Variants in DIP2B observed in about 807,000 individuals in gnomAD.
The protein encoded by DIP2B is DIP2 acetate--CoA ligase B (putative).
DIP2B carries 76 observed loss-of-function variants against 198.0 expected under a neutral mutation model. That is an observed-to-expected ratio of 0.38 (90% CI 0.32 to 0.46). DIP2B has a LOEUF of 0.46. DIP2B is among the 20% of genes least tolerant of loss of function. The pLI is 0.99. For missense variants in DIP2B, 1,559 were observed against 1,978.4 expected (o/e 0.79, Z 4.02); for synonymous variants, 701 against 739.1 (o/e 0.95, Z 0.84).
At chr12:50,681,202 G>A (rs994462395) in intron 9 of DIP2B, among the ~76,000 whole-genome samples, 8 of 152,092 alleles carry the variant, frequency 5.3e-5, no homozygotes, top group African/African-American at 1.2e-4. Flanking sequence ...ACACTGAGGC[G>A]GGAGGATCAC....
intron 1 of DIP2B, among the ~76,000 whole-genome samples, chr12:50,522,189 C>T (rs201908487): frequency 8.6e-5 from 13 of 151,374 alleles, no homozygotes; most frequent in African/African-American, 2.7e-4. Context: ...TTGGTAGAGA[C>T]GGGGTTTTAC....
chr12:50,736,491 G>A (rs909122906), intron 34 of DIP2B, among the ~76,000 whole-genome samples: 4 of 152,156 alleles, frequency 2.6e-5, no homozygotes, highest in Admixed American at 2.0e-4. Flanking sequence ...CTCAGCCAGC[G>A]TATGTGTCTT....
Position 50,545,552 on chromosome 12 carries a change from A to AT in DIP2B, c.100+40319dup, listed in dbSNP as rs567470784. 6.9e-3 allele frequency among the ~76,000 whole-genome samples: 1,044 copies of AT among 151,456 alleles called. 3 individuals are homozygous for AT. The highest frequency in any genetic ancestry group is 0.013 in the Admixed American group (195 of 15,136). On this transcript the variant is annotated intron_variant, in intron 1 of 37. Transcript: ENST00000301180. Reference sequence around the variant, plus strand: ...CACCATGCCTGGCTAATTAAAAAAAATTTTTTTACAGATAGTGTCTTGCCA... The same window carrying AT: ...CACCATGCCTGGCTAATTAAAAAAAATTTTTTTTACAGATAGTGTCTTGCCA...
chr12:50,708,307 A>G (rs1407955601), intron 21 of DIP2B, 141 bp from the exon 22 acceptor site: 6 of 652,374 alleles, frequency 9.2e-6, no homozygotes, highest in Non-Finnish European at 1.1e-5. Context: ...TTTTGAGAGT[A>G]ATGATTATGA....
rs537658294 is a variant in DIP2B, at chr12:50,733,699, CCT to C, written c.3982-435_3982-434del. Among the ~76,000 whole-genome samples, 255 of 152,260 alleles carry C rather than the reference CCT, an allele frequency of 1.7e-3. 1 individual carries two copies. The highest frequency in any genetic ancestry group is 0.01 in the Middle Eastern group (3 of 294). On this transcript the variant is annotated intron_variant, in intron 32 of 37. Coordinates refer to ENST00000301180, the MANE Select transcript of DIP2B (RefSeq NM_173602.3). Reference sequence around the variant, plus strand: ...AGCAACCTGGGCAACAGATTGAGACCCTGTCTCTTAAAAAAATAATAAGGCAA... The same window carrying C: ...AGCAACCTGGGCAACAGATTGAGACCGTCTCTTAAAAAAATAATAAGGCAA...
chr12:50,657,434 G>T (rs1938573842), intron 3 of DIP2B, among the ~76,000 whole-genome samples: 1 of 152,074 alleles, frequency 6.6e-6, no homozygotes, highest in Admixed American at 6.6e-5. Context: ...AACCAACTTT[G>T]CAATTAGAGT....
intron 1 of DIP2B, among the ~76,000 whole-genome samples, chr12:50,542,119 A>T (rs1317455541): frequency 2.0e-5 from 3 of 151,418 alleles, no homozygotes; most frequent in African/African-American, 7.3e-5. Flanking sequence ...GTGAAACCCC[A>T]TCTCTACTAA....
rs1339436475 is a variant in DIP2B at position 50,704,173 on chromosome 12, G to A, written c.2359G>A (p.Gly787Arg). Residue 787 changes from glycine (G) to arginine (R), a missense_variant, in exon 20 of 38, where the codon GGG (glycine) becomes AGG (arginine). Transcript: ENST00000301180. The stretch of plus-strand genomic sequence containing the variant: ...AGTGAATTCTGCAGGCTCTCCTGTT[G>A]GGGATGTGCCATTCATCCGATCAGG... ...IPVNSAGSPV[G>R]DVPFIRSGLL... 2 of 1,611,128 alleles carry A rather than the reference G, an allele frequency of 1.2e-6. No individual in the cohort carries two copies. The highest frequency in any genetic ancestry group is 8.5e-7 in the Non-Finnish European group (1 of 1,179,470).
rs1020587879 is a variant in DIP2B at position 50,595,575 on chromosome 12, G to A, written c.101-30401G>A. Among the ~76,000 whole-genome samples the A allele has an allele frequency of 2.6e-5, 4 of 152,110 alleles. No individual in the cohort carries two copies. The East Asian group carries it at 5.8e-4, about 22-fold the overall frequency. ...CTGCCTTGGCTTCCCAAAGTGCTAGGATTACAGGCATGAGCCACTGAGCCC... is the reference window on the plus strand; with the variant it reads ...CTGCCTTGGCTTCCCAAAGTGCTAGAATTACAGGCATGAGCCACTGAGCCC... On this transcript the variant is annotated intron_variant, in intron 1 of 37. Coordinates refer to ENST00000301180, the MANE Select transcript of DIP2B (RefSeq NM_173602.3).
chr12:50,639,090 ATT>A (rs5798145), intron 2 of DIP2B, among the ~76,000 whole-genome samples: 3 of 139,130 alleles, frequency 2.2e-5, no homozygotes. Flanking sequence ...AGTCTCCACA[ATT>A]TTTTTTTTTT....
chr12:50,543,654 G>T (rs139614203), intron 1 of DIP2B, among the ~76,000 whole-genome samples: 1 of 151,652 alleles, frequency 6.6e-6, no homozygotes, highest in South Asian at 2.1e-4. Context: ...CGGTCATGGT[G>T]TCTCACACTT....
intron 1 of DIP2B, among the ~76,000 whole-genome samples, chr12:50,510,466 T>C (rs1958004310): frequency 6.6e-6 from 1 of 152,208 alleles, no homozygotes; most frequent in African/African-American, 2.4e-5. Context: ...ACTTAGCACT[T>C]CAGGGTTGAA....
At chr12:50,624,021 A>G (rs1213715312) in intron 1 of DIP2B, among the ~76,000 whole-genome samples, 2 of 152,190 alleles carry the variant, frequency 1.3e-5, no homozygotes, top group Non-Finnish European at 2.9e-5. Context: ...TTTTTACTGT[A>G]AACAGTAGAG....
chr12:50,514,043 T>G (rs1958042029), intron 1 of DIP2B, among the ~76,000 whole-genome samples: 1 of 149,814 alleles, frequency 6.7e-6, no homozygotes, highest in African/African-American at 2.4e-5. Flanking sequence ...TTGCTAAATC[T>G]AAAGCTCTGT....
At chr12:50,682,765 G>C (rs1939066175) in intron 9 of DIP2B, among the ~76,000 whole-genome samples, 1 of 152,030 alleles carries the variant, frequency 6.6e-6, no homozygotes, top group African/African-American at 2.4e-5. Flanking sequence ...TATCTGGAGA[G>C]ATCCATTACA....
chr12:50,505,318 C>G, intron 1 of DIP2B, 78 bp downstream of exon 1: 1 of 1,222,148 alleles, frequency 8.2e-7, no homozygotes, highest in Non-Finnish European at 1.1e-6. Context: ...CCGCCGCGCG[C>G]TCTGGCGGCC....
At chr12:50,655,403 G>A (rs528490274) in intron 3 of DIP2B, among the ~76,000 whole-genome samples, 130 of 152,270 alleles carry the variant, frequency 8.5e-4, no homozygotes, top group East Asian at 1.2e-3. Flanking sequence ...GTGATTGTTC[G>A]GGTAGTAATA....
At chr12:50,694,976 T>C (rs1008038713) in intron 14 of DIP2B, among the ~76,000 whole-genome samples, 8 of 152,134 alleles carry the variant, frequency 5.3e-5, no homozygotes, top group Admixed American at 3.9e-4. Context: ...TTAAAAATAC[T>C]TATATATTTC....
chr12:50,658,785 T>C (rs1194745323), intron 3 of DIP2B, among the ~76,000 whole-genome samples: 3 of 152,148 alleles, frequency 2.0e-5, no homozygotes, highest in Non-Finnish European at 4.4e-5. Flanking sequence ...TGGAGGTTTT[T>C]TGGTTGCAAG....
Sources: allele counts gnomAD v4.1 joint callset (sites outside exome capture counted in the v4.1 genomes callset), GRCh38; gene constraint gnomAD v4.1.1; transcripts MANE v1.5; gene names NCBI Gene and HGNC (gene_info 2026-07-23, HGNC 2026-07-21).